RUNX2: variants seen among roughly 807,000 people sequenced by gnomAD.
RUNX2 encodes RUNX family transcription factor 2.
Under a neutral mutation model 51.7 loss-of-function variants are expected in RUNX2, and 10 were observed. The observed-to-expected ratio is 0.19, with a 90% CI of 0.12 to 0.33. The LOEUF is 0.33. RUNX2 is among the 10% of genes least tolerant of loss of function. The pLI is 1.00. For synonymous variants in RUNX2, 276 were observed against 273.6 expected (o/e 1.01, Z -0.09); for missense variants, 562 against 691.3 (o/e 0.81, Z 2.10).
intron 7 of RUNX2, among the ~76,000 whole-genome samples, chr6:45,542,255 G>C (rs1802253037): frequency 6.6e-6 from 1 of 152,172 alleles, no homozygotes; most frequent in Admixed American, 6.5e-5. Context: ...GACCTTGGGA[G>C]GAGGGGCAAG....
chr6:45,466,089 G>A (rs907678931), intron 5 of RUNX2, among the ~76,000 whole-genome samples: 2 of 152,106 alleles, frequency 1.3e-5, no homozygotes, highest in African/African-American at 2.4e-5. Flanking sequence ...CGAGGCGGGC[G>A]GATCACTTGA....
intron 7 of RUNX2, among the ~76,000 whole-genome samples, chr6:45,542,410 CT>C (rs1802258894): frequency 6.6e-6 from 1 of 152,152 alleles, no homozygotes; most frequent in African/African-American, 2.4e-5. Context: ...TCTTGCAGCT[CT>C]TTTTATGACA....
At chr6:45,375,852 T>C (rs911656393) in intron 2 of RUNX2, among the ~76,000 whole-genome samples, 11 of 152,114 alleles carry the variant, frequency 7.2e-5, no homozygotes, top group Admixed American at 3.3e-4. Context: ...ATGCACATAT[T>C]TCAAGTAAAG....
In RUNX2 at chr6:45,547,540, C is replaced by G; in HGVS notation, c.*235C>G. 1.8e-6 allele frequency: 1 copy of G among 570,202 alleles called. No individual in the cohort carries two copies. The highest frequency in any genetic ancestry group is 2.1e-5 in the South Asian group (1 of 48,760). The allele number at this position is 570,202 out of a possible 1,614,324, so 35.3% of individuals were successfully genotyped here. ...TTGCAATCGAGCTTCAGATTGTTTA[C>G]TATTTAAGATGTACTTTTACAAAGG... is the stretch of plus-strand genomic sequence containing the variant. On this transcript the variant is annotated 3_prime_UTR_variant, in exon 9 of 9. Transcript: ENST00000647337.
intron 6 of RUNX2, among the ~76,000 whole-genome samples, chr6:45,505,034 G>C (rs1014132487): frequency 6.6e-6 from 1 of 152,180 alleles, no homozygotes; most frequent in Admixed American, 6.5e-5. Flanking sequence ...CCTGCTGGCC[G>C]CAGGAACAGG....
chr6:45,399,093 T>A (rs898412222), intron 2 of RUNX2, among the ~76,000 whole-genome samples: 6 of 152,040 alleles, frequency 3.9e-5, no homozygotes, highest in Non-Finnish European at 5.9e-5. Context: ...ATTAGAAAAA[T>A]TAGTGATATT....
chr6:45,371,783 G>C lies in RUNX2; in HGVS notation c.58+42999G>C, dbSNP rs868716255. The C allele has an allele frequency of 3.9e-5, 38 of 968,828 alleles. No homozygotes were observed. In the Middle Eastern group the frequency reaches 2.6e-3, roughly 67 times the overall value. The allele number at this position is 968,828 out of a possible 1,614,324, so 60.0% of individuals were successfully genotyped here. A position where few individuals can be genotyped will look rare whatever the true frequency, so the allele number is the denominator to read the frequency against. On this transcript the variant is annotated intron_variant, in intron 2 of 8. Coordinates refer to ENST00000647337, the MANE Select transcript of RUNX2 (RefSeq NM_001024630.4). ...GGTAGATGGATAAGCAACTATAACA[G>C]ACAAACATATATGCAAATTGGTGGG...
chr6:45,435,692 A>C (rs1162014452), intron 4 of RUNX2, among the ~76,000 whole-genome samples: 1 of 152,172 alleles, frequency 6.6e-6, no homozygotes, highest in Non-Finnish European at 1.5e-5. Flanking sequence ...AGAGACATTA[A>C]GGATAACTGA....
At chr6:45,339,761 A>G (rs936179148) in intron 2 of RUNX2, among the ~76,000 whole-genome samples, 1 of 152,184 alleles carries the variant, frequency 6.6e-6, no homozygotes, top group Non-Finnish European at 1.5e-5. Context: ...AAAATTTATT[A>G]AAGTTTTAAT....
chr6:45,401,506 G>A (rs1157490013), intron 2 of RUNX2, among the ~76,000 whole-genome samples: 1 of 152,188 alleles, frequency 6.6e-6, no homozygotes, highest in East Asian at 1.9e-4. Context: ...TGAACTAGTT[G>A]TATAACTTCT....
chr6:45,465,397 A>G (rs927976689), intron 5 of RUNX2, among the ~76,000 whole-genome samples: 22 of 152,090 alleles, frequency 1.4e-4, no homozygotes, highest in African/African-American at 5.3e-4. Flanking sequence ...GATAATAAAT[A>G]TTATTGGTCA....
intron 7 of RUNX2, among the ~76,000 whole-genome samples, chr6:45,534,528 GA>G (rs1431812449): frequency 6.6e-5 from 10 of 152,152 alleles, no homozygotes; most frequent in African/African-American, 2.2e-4. Context: ...TGCTGGGACT[GA>G]AAAAAATCAG....
In RUNX2 at chr6:45,545,261, C is replaced by G; in HGVS notation, c.1066C>G (p.Leu356Val). 6.4e-7 allele frequency: 1 copy of G among 1,550,490 alleles called. No individual in the cohort carries two copies. Among genetic ancestry groups the G allele is most frequent in the East Asian group, 2.4e-5 (1 of 40,904 alleles). The change falls in exon 8 of 9, where the codon CTC becomes GTC. Residue 356 changes from leucine to valine, a missense_variant. Leu to Val is a conservative substitution (Grantham distance 32). Around this residue, in one of 5 missense-constraint regions of RUNX2, gnomAD observed 304 missense variants for 353.2 expected, o/e 0.86. Transcript: ENST00000647337. ...TGACTTCTGCCTCTGGCCTTCCACT[C>G]TCAGTAAGAAGAGCCAGGCAGGTGA... is the stretch of plus-strand genomic sequence containing the variant. ...TSDFCLWPSTLSKKSQAGASE... is the reference protein window; with the variant it reads ...TSDFCLWPSTVSKKSQAGASE...
intron 5 of RUNX2, among the ~76,000 whole-genome samples, chr6:45,474,339 TAAAC>T (rs1191592549): frequency 6.6e-6 from 1 of 151,712 alleles, no homozygotes; most frequent in Non-Finnish European, 1.5e-5. Context: ...GAAAAGATAT[TAAAC>T]AATGGCCACC....
intron 6 of RUNX2, among the ~76,000 whole-genome samples, chr6:45,497,251 T>C (rs755833961): frequency 6.6e-6 from 1 of 152,116 alleles, no homozygotes; most frequent in South Asian, 2.1e-4. Flanking sequence ...GTCTTGGTTG[T>C]TTTTCTAAGC....
At chr6:45,457,822 T>A (rs1358370132) in intron 5 of RUNX2, among the ~76,000 whole-genome samples, 1 of 152,086 alleles carries the variant, frequency 6.6e-6, no homozygotes, top group Non-Finnish European at 1.5e-5. Flanking sequence ...AGCCTGGGAC[T>A]GAGTGGAAAA....
At chr6:45,452,381 G>A (rs772583013) in intron 5 of RUNX2, among the ~76,000 whole-genome samples, 5 of 152,224 alleles carry the variant, frequency 3.3e-5, no homozygotes, top group Non-Finnish European at 7.3e-5. Flanking sequence ...GTTGAGCAGA[G>A]CAAGTCTGAG....
chr6:45,374,679 T>C (rs762749823), intron 2 of RUNX2, among the ~76,000 whole-genome samples: 1 of 152,198 alleles, frequency 6.6e-6, no homozygotes, highest in Non-Finnish European at 1.5e-5. Context: ...TCAGTGTTAT[T>C]TCAACACAAA....
At chr6:45,501,020 T>C (rs1800785977) in intron 6 of RUNX2, among the ~76,000 whole-genome samples, 1 of 152,164 alleles carries the variant, frequency 6.6e-6, no homozygotes, top group Non-Finnish European at 1.5e-5. Context: ...CGTGTGTTCG[T>C]TCAGGTGGGA....
Sources: allele counts gnomAD v4.1 joint callset (sites outside exome capture counted in the v4.1 genomes callset), GRCh38; gene constraint gnomAD v4.1.1; regional missense constraint gnomAD v4.1.1; transcripts MANE v1.5; gene names NCBI Gene and HGNC (gene_info 2026-07-23, HGNC 2026-07-21).